The following ANK3 variants were observed in gnomAD, a reference collection of about 807,000 sequenced individuals.
The protein encoded by ANK3 is ankyrin 3.
Under a neutral mutation model 370.9 loss-of-function variants are expected in ANK3, and 57 were observed. That is an observed-to-expected ratio of 0.15 (90% CI 0.12 to 0.19). The LOEUF (loss-of-function observed/expected upper bound fraction) is 0.19, where lower values mean the gene tolerates loss of function less well. Among genes scored for constraint, ANK3 ranks in the 10% least tolerant of loss-of-function variants. The pLI, the probability that ANK3 is intolerant of heterozygous loss-of-function variation, is 1.00. For missense variants in ANK3, 4,439 were observed against 5,302.1 expected, an observed-to-expected ratio of 0.84 and a Z score of 5.06; for synonymous variants, 1,929 against 1,946.3, an observed-to-expected ratio of 0.99 and a Z score of 0.23.
chr10:60,644,074 G>A (rs2078674592), intron 1 of ANK3, among the ~76,000 whole-genome samples: 1 of 152,156 alleles, frequency 6.6e-6, no homozygotes, highest in South Asian at 2.1e-4. Flanking sequence ...TCTGCCAGAG[G>A]AAACCAAAAG....
At chr10:60,255,801 A>G (rs2097726199) in intron 7 of ANK3, among the ~76,000 whole-genome samples, 1 of 152,220 alleles carries the variant, frequency 6.6e-6, no homozygotes, top group East Asian at 1.9e-4. Flanking sequence ...AGAATAAAAA[A>G]AAATTTATTT....
intron 1 of ANK3, among the ~76,000 whole-genome samples, chr10:60,644,221 G>A (rs2078676671): frequency 2.0e-5 from 3 of 152,128 alleles, no homozygotes; most frequent in Non-Finnish European, 2.9e-5. Context: ...TGGCTTATCA[G>A]GCATGGTCAA....
chr10:60,328,253 C>T (rs2050357288), intron 1 of ANK3, among the ~76,000 whole-genome samples: 1 of 152,134 alleles, frequency 6.6e-6, no homozygotes, highest in Non-Finnish European at 1.5e-5. Flanking sequence ...TTCAATCTCT[C>T]TTATTGAATT....
At chr10:60,289,811 G>A (rs1330659532) in intron 1 of ANK3, among the ~76,000 whole-genome samples, 2 of 152,052 alleles carry the variant, frequency 1.3e-5, no homozygotes, top group Non-Finnish European at 2.9e-5. Context: ...ATCAGAAACG[G>A]GACTTGAACT....
chr10:60,395,614 TTCGTTCTCTCTC>T (rs2063216150), intron 2 of ANK3, among the ~76,000 whole-genome samples: 1 of 71,936 alleles, frequency 1.4e-5, no homozygotes. Flanking sequence ...CTTTCTCTCT[TTCGTTCTCTCTC>T]TCTCTCTCTC....
chr10:60,547,089 CTTT>C (rs5785455), intron 2 of ANK3, among the ~76,000 whole-genome samples: 4 of 120,760 alleles, frequency 3.3e-5, no homozygotes, highest in African/African-American at 6.3e-5. Context: ...CAATGCAACT[CTTT>C]TTTTTTTTTT....
chr10:60,246,482 G>A (rs910317046), intron 7 of ANK3, among the ~76,000 whole-genome samples: 1 of 152,108 alleles, frequency 6.6e-6, no homozygotes, highest in South Asian at 2.1e-4. Flanking sequence ...GATTTGCTGA[G>A]ACTGACACCG....
At chr10:60,590,815 G>A (rs989550669) in intron 2 of ANK3, among the ~76,000 whole-genome samples, 1 of 152,160 alleles carries the variant, frequency 6.6e-6, no homozygotes, top group African/African-American at 2.4e-5. Context: ...TAGATGCTAT[G>A]TAAATAGTTG....
chr10:60,333,564 G>A (rs1470791839), intron 1 of ANK3, among the ~76,000 whole-genome samples: 4 of 152,148 alleles, frequency 2.6e-5, no homozygotes, highest in Non-Finnish European at 4.4e-5. Context: ...GGGCATTTGG[G>A]TTGGTTCCAA....
chr10:60,493,123 A>C (rs1428732115), intron 2 of ANK3, among the ~76,000 whole-genome samples: 23 of 151,832 alleles, frequency 1.5e-4, no homozygotes, highest in Admixed American at 1.5e-3. Flanking sequence ...ACTGAATTGT[A>C]AGTTTCAAAG....
intron 2 of ANK3, among the ~76,000 whole-genome samples, chr10:60,503,638 C>A (rs368036939): frequency 6.6e-6 from 1 of 152,162 alleles, no homozygotes. Flanking sequence ...CTTCTACAGA[C>A]CACAGAGCCT....
At chr10:60,065,963 A>C (rs1469518501) in intron 38 of ANK3, among the ~76,000 whole-genome samples, 1 of 152,200 alleles carries the variant, frequency 6.6e-6, no homozygotes, top group Non-Finnish European at 1.5e-5. Flanking sequence ...TAAGCAGATT[A>C]CATTGTATGT....
intron 1 of ANK3, among the ~76,000 whole-genome samples, chr10:60,281,152 AGAG>A (rs535037913): frequency 2.5e-4 from 38 of 152,208 alleles, no homozygotes; most frequent in South Asian, 6.2e-4. Flanking sequence ...TCAGAACCTC[AGAG>A]GAGAGGCCAC....
At chr10:60,391,201 T>A (rs979228643), upstream of ANK3, among the ~76,000 whole-genome samples, 1 of 152,206 alleles carries the variant, frequency 6.6e-6, no homozygotes, top group Non-Finnish European at 1.5e-5. Flanking sequence ...GGCCTCACGG[T>A]GAACCACAGG....
chr10:60,112,551 C>T (rs577049927), intron 26 of ANK3, among the ~76,000 whole-genome samples: 2 of 152,178 alleles, frequency 1.3e-5, no homozygotes, highest in African/African-American at 2.4e-5. Flanking sequence ...CCCATTTGAA[C>T]GATATTGTTC....
intron 2 of ANK3, among the ~76,000 whole-genome samples, chr10:60,552,444 C>T (rs1376417246): frequency 6.6e-6 from 1 of 152,226 alleles, no homozygotes; most frequent in East Asian, 1.9e-4. Flanking sequence ...ATAAACATCA[C>T]CGGCTTTAAA....
At chr10:60,460,064 G>A (rs572430183) in intron 2 of ANK3, among the ~76,000 whole-genome samples, 4 of 148,478 alleles carry the variant, frequency 2.7e-5, no homozygotes, top group Admixed American at 6.9e-5. Flanking sequence ...GAAACATGAA[G>A]ACAAAAGCCA....
intron 2 of ANK3, among the ~76,000 whole-genome samples, chr10:60,595,363 T>C (rs2077972794): frequency 6.6e-6 from 1 of 151,832 alleles, no homozygotes; most frequent in Non-Finnish European, 1.5e-5. Flanking sequence ...GGTTAGGAAA[T>C]GGGGAATGCT....
intron 2 of ANK3, among the ~76,000 whole-genome samples, chr10:60,561,446 T>A (rs897184579): frequency 1.3e-5 from 2 of 152,190 alleles, no homozygotes; most frequent in Non-Finnish European, 2.9e-5. Flanking sequence ...CTCACGTACA[T>A]AAGGCACAGT....
Sources: gnomAD v4.1 joint callset for allele counts (sites outside exome capture counted in the v4.1 genomes callset) on GRCh38, gnomAD v4.1.1 for gene constraint, MANE v1.5 for transcripts, NCBI Gene and HGNC (gene_info 2026-07-23, HGNC 2026-07-21) for gene names.